Variants in ARL9 observed in about 807,000 individuals in gnomAD.
The protein encoded by ARL9 is ADP-ribosylation factor-like protein 9.
In ARL9, 14 loss-of-function variants were observed where a neutral mutation model predicts 27.0. The ratio of observed to expected loss-of-function variants is 0.52; its 90% CI spans 0.34 to 0.81. ARL9 has a LOEUF of 0.81. Among genes scored for constraint, ARL9 ranks in the 30% least tolerant of loss-of-function variants. The probability of loss-of-function intolerance (pLI) is 0.01; values close to 1 mark genes in which losing one functional copy is unlikely to be tolerated. For synonymous variants in ARL9, 106 were observed against 108.7 expected (o/e 0.98, Z 0.15); for missense variants, 294 against 290.0 (o/e 1.01, Z -0.10).
At chr4:56,519,699 G>A (rs1721865971) in intron 3 of ARL9, among the ~76,000 whole-genome samples, 1 of 152,104 alleles carries the variant, frequency 6.6e-6, no homozygotes, top group Non-Finnish European at 1.5e-5. Context: ...ATGTTCATAT[G>A]TTTGGCTGTT....
At position 56,524,064 on chromosome 4, in the gene ARL9, C is replaced by A. The variant is rs2110159067; in HGVS notation, c.*188C>A. ...TCTGGGGATTCAAGAACTGTGGATC[C>A]AAAACATTCAAAAAGTAAACCCACT... is the stretch of plus-strand genomic sequence containing the variant. On this transcript the variant is annotated 3_prime_UTR_variant, in exon 4 of 4. Transcript: ENST00000640821. 4 of 452,060 alleles carry A rather than the reference C, an allele frequency of 8.8e-6. No homozygotes were observed. Among genetic ancestry groups the A allele is most frequent in the South Asian group, 7.1e-5 (1 of 14,088 alleles). The allele number at this position is 452,060 out of a possible 1,614,324, so 28.0% of individuals were successfully genotyped here. A position where few individuals can be genotyped will look rare whatever the true frequency, so the allele number is the denominator to read the frequency against.
upstream of ARL9, chr4:56,505,736 C>G: frequency 7.2e-7 from 1 of 1,390,184 alleles, no homozygotes; most frequent in Non-Finnish European, 9.3e-7. Context: ...GCAGCGCCCG[C>G]GGGTTGTCTA....
At chr4:56,513,675 G>A (rs1408840188) in intron 2 of ARL9, among the ~76,000 whole-genome samples, 1 of 152,130 alleles carries the variant, frequency 6.6e-6, no homozygotes, top group Non-Finnish European at 1.5e-5. Flanking sequence ...GATAAGCAAA[G>A]AGAAAAGTGG....
intron 1 of ARL9, 134 bp from the exon 2 acceptor site, chr4:56,511,051 G>T: frequency 1.2e-6 from 1 of 841,288 alleles, no homozygotes; most frequent in Non-Finnish European, 1.7e-6. Context: ...GGGATTACAG[G>T]CGTGAGCCAC....
intron 2 of ARL9, among the ~76,000 whole-genome samples, chr4:56,512,032 C>G (rs1247375850): frequency 6.6e-6 from 1 of 152,178 alleles, no homozygotes; most frequent in East Asian, 1.9e-4. Flanking sequence ...TAGCCAGAAA[C>G]CTGGGAGTCA....
chr4:56,523,652 C>A, intron 3 of ARL9, 45 bp from the exon 4 acceptor site: 1 of 1,523,068 alleles, frequency 6.6e-7, no homozygotes, highest in Non-Finnish European at 8.9e-7. Context: ...GAAAGGATTG[C>A]AAAATAACCA....
At chr4:56,521,480 G>C (rs1721915741) in intron 3 of ARL9, among the ~76,000 whole-genome samples, 1 of 152,144 alleles carries the variant, frequency 6.6e-6, no homozygotes, top group Non-Finnish European at 1.5e-5. Context: ...ACATTTTGCT[G>C]GTGGATATAC....
chr4:56,506,144 A>G lies in ARL9; in HGVS notation c.279+3A>G, dbSNP rs1721453953. On this transcript the variant is annotated splice_donor_region_variant and intron_variant, in intron 1 of 3. Coordinates refer to ENST00000640821, the MANE Select transcript of ARL9 (RefSeq NM_001363794.2). ...CAAGGACCCCGCTCGAGCCGCTGGTAAGAGACCCAGTGCCCAGGACCCCTT... is the reference window on the plus strand; with the variant it reads ...CAAGGACCCCGCTCGAGCCGCTGGTGAGAGACCCAGTGCCCAGGACCCCTT... The G allele has an allele frequency of 8.1e-7, 1 of 1,233,626 alleles. No individual in the cohort carries two copies. The highest frequency in any genetic ancestry group is 1.0e-6 in the Non-Finnish European group (1 of 989,148). 76.4% of individuals were successfully genotyped at this position (1,233,626 alleles called of 1,614,324 possible).
intron 3 of ARL9, among the ~76,000 whole-genome samples, chr4:56,520,387 A>G (rs1721885322): frequency 6.6e-6 from 1 of 152,194 alleles, no homozygotes; most frequent in African/African-American, 2.4e-5. Context: ...CATTATGCTA[A>G]GTGAATAAGC....
rs565591933 is a variant in ARL9, at chr4:56,521,749, T to C, written c.619-1948T>C. ...GTTTGAACATTTTTTCAGATGTTTA[T>C]TAGTCTCCACATCTGTAAATTGCCT... On this transcript the variant is annotated intron_variant, in intron 3 of 3. Transcript: ENST00000640821. Among the ~76,000 whole-genome samples, 8 of 152,350 alleles carry C rather than the reference T, an allele frequency of 5.3e-5. No individual in the cohort carries two copies. The East Asian group carries it at 1.3e-3, about 26-fold the overall frequency.
intron 2 of ARL9, among the ~76,000 whole-genome samples, chr4:56,515,718 A>G (rs922806400): frequency 6.6e-6 from 1 of 152,240 alleles, no homozygotes. Flanking sequence ...GCCATTTTCA[A>G]TAGCAACAAA....
At position 56,524,017 on chromosome 4, in the gene ARL9, C is replaced by CCTG; in HGVS notation, c.*141_*142insCTG. 1 of 679,714 alleles carries CCTG rather than the reference C, an allele frequency of 1.5e-6. No homozygotes were observed. The highest frequency in any genetic ancestry group is 2.2e-6 in the Non-Finnish European group (1 of 456,208). 42.1% of individuals were successfully genotyped at this position (679,714 alleles called of 1,614,324 possible). ...GTGCATGGGATGTATATAGTTAGCC[C>CCTG]TCCATATCCATGGGTTCCACATCTG... is the stretch of plus-strand genomic sequence containing the variant. On this transcript the variant is annotated 3_prime_UTR_variant, in exon 4 of 4. Transcript: ENST00000640821.
intron 2 of ARL9, among the ~76,000 whole-genome samples, chr4:56,517,502 A>G (rs1247414671): frequency 6.6e-6 from 1 of 152,174 alleles, no homozygotes; most frequent in Non-Finnish European, 1.5e-5. Context: ...GTTACTATAA[A>G]AGTTTATTTC....
chr4:56,516,504 C>T (rs187746318), intron 2 of ARL9, among the ~76,000 whole-genome samples: 38 of 143,680 alleles, frequency 2.6e-4, no homozygotes, highest in African/African-American at 2.1e-4. Flanking sequence ...TGGCAAAAGA[C>T]GTGAATAACA....
chr4:56,513,020 A>T (rs78127583), intron 2 of ARL9, among the ~76,000 whole-genome samples: 4 of 152,232 alleles, frequency 2.6e-5, no homozygotes, highest in African/African-American at 7.2e-5. Context: ...TACATATTCA[A>T]CAAAAATGCA....
chr4:56,520,380 T>C (rs1721884991), intron 3 of ARL9, among the ~76,000 whole-genome samples: 1 of 152,160 alleles, frequency 6.6e-6, no homozygotes, highest in African/African-American at 2.4e-5. Context: ...TTGAGAACAT[T>C]ATGCTAAGTG....
intron 2 of ARL9, among the ~76,000 whole-genome samples, chr4:56,513,734 C>T (rs376260330): frequency 6.6e-6 from 1 of 152,088 alleles, no homozygotes; most frequent in East Asian, 1.9e-4. Flanking sequence ...GGGCCTGAGA[C>T]AAAATAGGAA....
intron 3 of ARL9, 36 bp downstream of exon 3, chr4:56,518,889 G>A: frequency 6.4e-7 from 1 of 1,571,082 alleles, no homozygotes; most frequent in Non-Finnish European, 8.7e-7. Flanking sequence ...GTACTCAAGA[G>A]TTTTGTAATA....
intron 2 of ARL9, among the ~76,000 whole-genome samples, chr4:56,511,786 C>T (rs1486031590): frequency 1.3e-5 from 2 of 152,180 alleles, no homozygotes; most frequent in Non-Finnish European, 1.5e-5. Context: ...CTAAATATTA[C>T]TGTCTCCTGA....
Sources: gnomAD v4.1 joint callset for allele counts (sites outside exome capture counted in the v4.1 genomes callset) on GRCh38, gnomAD v4.1.1 for gene constraint, MANE v1.5 for transcripts, NCBI Gene and HGNC (gene_info 2026-07-23, HGNC 2026-07-21) for gene names.